Variants in DPY19L3 observed in about 807,000 individuals in gnomAD.
DPY19L3 encodes protein C-mannosyl-transferase DPY19L3.
A neutral mutation model predicts 92.3 loss-of-function variants in DPY19L3; 51 were observed. The ratio of observed to expected loss-of-function variants is 0.55; its 90% CI spans 0.44 to 0.70. The LOEUF is 0.70. DPY19L3 is among the 30% of genes least tolerant of loss of function. DPY19L3 has a pLI of 0.00. For synonymous variants in DPY19L3, 309 were observed against 315.2 expected, an observed-to-expected ratio of 0.98 and a Z score of 0.21; for missense variants, 706 against 855.9, an observed-to-expected ratio of 0.82 and a Z score of 2.18.
intron 8 of DPY19L3, among the ~76,000 whole-genome samples, chr19:32,446,944 C>T (rs879888979): frequency 5.3e-5 from 8 of 152,148 alleles, no homozygotes; most frequent in Non-Finnish European, 8.8e-5. Context: ...TACTTACCAA[C>T]AGACTATCTC....
At chr19:32,461,872 A>C (rs960706113) in intron 12 of DPY19L3, among the ~76,000 whole-genome samples, 5 of 152,156 alleles carry the variant, frequency 3.3e-5, no homozygotes, top group African/African-American at 1.2e-4. Context: ...AACATCACTG[A>C]AGTGGAGACA....
chr19:32,411,471 G>C, intron 3 of DPY19L3, 99 bp downstream of exon 3: 1 of 1,308,146 alleles, frequency 7.6e-7, no homozygotes, highest in Non-Finnish European at 1.1e-6. Context: ...TTGCCATAAA[G>C]AATCCAATCT....
At chr19:32,471,396 C>T (rs984452168) in intron 16 of DPY19L3, among the ~76,000 whole-genome samples, 1 of 152,222 alleles carries the variant, frequency 6.6e-6, no homozygotes, top group Non-Finnish European at 1.5e-5. Context: ...ATCACGGCAT[C>T]TATCGGACAG....
intron 1 of DPY19L3, among the ~76,000 whole-genome samples, chr19:32,406,967 T>G (rs948346879): frequency 6.6e-6 from 1 of 151,368 alleles, no homozygotes; most frequent in Non-Finnish European, 1.5e-5. Flanking sequence ...CCATTTCCAG[T>G]GCTTGAAAGC....
intron 16 of DPY19L3, among the ~76,000 whole-genome samples, chr19:32,473,884 A>C (rs956956229): frequency 6.6e-6 from 1 of 152,144 alleles, no homozygotes; most frequent in Non-Finnish European, 1.5e-5. Flanking sequence ...GCTCACTGCA[A>C]CCTTCACCTC....
chr19:32,430,127 G>A (rs1968910714), intron 3 of DPY19L3, among the ~76,000 whole-genome samples: 1 of 152,134 alleles, frequency 6.6e-6, no homozygotes, highest in South Asian at 2.1e-4. Flanking sequence ...TGTGGCTTCT[G>A]TCTGTAATCC....
chr19:32,411,294 T>C lies in DPY19L3; in HGVS notation c.159T>C (p.Ile53=). 1 of 1,613,724 alleles carries C rather than the reference T, an allele frequency of 6.2e-7. No homozygotes were observed. Among genetic ancestry groups the C allele is most frequent in the Non-Finnish European group, 8.5e-7 (1 of 1,180,002 alleles). The change falls in exon 3 of 19, where the codon ATT becomes ATC. Residue 53 remains isoleucine (I), a synonymous_variant. Coordinates refer to ENST00000392250, the MANE Select transcript of DPY19L3 (RefSeq NM_001172774.2). The part of the protein sequence containing the change: ...KILSLTIGGT[I]ALCIGLLTSV... ...TGTCATTGACAATTGGTGGAACCATTGCCCTTTGCATTGGACTTCTTACAT... is the reference window on the plus strand; with the variant it reads ...TGTCATTGACAATTGGTGGAACCATCGCCCTTTGCATTGGACTTCTTACAT...
intron 4 of DPY19L3, 90 bp downstream of exon 4, chr19:32,432,896 G>C (rs1035395712): frequency 2.3e-5 from 23 of 1,014,092 alleles, no homozygotes; most frequent in Non-Finnish European, 3.2e-5. Context: ...CCACTTAAAT[G>C]CTCTCTAGAA....
intron 8 of DPY19L3, among the ~76,000 whole-genome samples, chr19:32,443,234 T>C (rs1969378932): frequency 6.6e-6 from 1 of 152,186 alleles, no homozygotes; most frequent in African/African-American, 2.4e-5. Context: ...AAGTACACCT[T>C]CTGCTGACCC....
intron 6 of DPY19L3, among the ~76,000 whole-genome samples, chr19:32,438,502 CTCTA>C (rs1339943862): frequency 1.3e-5 from 2 of 151,738 alleles, no homozygotes; most frequent in Non-Finnish European, 2.9e-5. Context: ...TCATATATAT[CTCTA>C]TCTTTTATAG....
chr19:32,447,821 TAGATAGATAGATAGA>T (rs1568344111), intron 8 of DPY19L3, among the ~76,000 whole-genome samples: 7,339 of 101,630 alleles, frequency 0.072, 609 homozygotes, highest in African/African-American at 0.2. Context: ...ATAGATTAGA[TAGATAGATAGATAGA>T]TAGATAGATA....
chr19:32,429,684 T>C (rs962484096), intron 3 of DPY19L3, among the ~76,000 whole-genome samples: 1 of 152,206 alleles, frequency 6.6e-6, no homozygotes, highest in African/African-American at 2.4e-5. Context: ...GCTCTCCAGT[T>C]TGATTTGGGA....
intron 12 of DPY19L3, among the ~76,000 whole-genome samples, chr19:32,462,178 A>C (rs912917249): frequency 6.6e-6 from 1 of 152,168 alleles, no homozygotes; most frequent in Admixed American, 6.5e-5. Flanking sequence ...GTTTGAACAC[A>C]AACAATACAG....
At chr19:32,468,432 T>TA in intron 15 of DPY19L3, 1 of 1,054,854 alleles carries the variant, frequency 9.5e-7, no homozygotes, top group Non-Finnish European at 1.1e-6. Flanking sequence ...TTTTGCCAGG[T>TA]ATTATCATCA....
intron 16 of DPY19L3, among the ~76,000 whole-genome samples, chr19:32,472,971 C>T (rs1004351584): frequency 6.6e-6 from 1 of 152,148 alleles, no homozygotes; most frequent in Non-Finnish European, 1.5e-5. Flanking sequence ...CTATAAGCCT[C>T]TTTTCTATTT....
intron 18 of DPY19L3, 105 bp downstream of exon 18, chr19:32,480,662 A>G: frequency 7.4e-7 from 1 of 1,359,404 alleles, no homozygotes; most frequent in Non-Finnish European, 9.8e-7. Context: ...TAGTTGAATT[A>G]CGCTACGAAT....
In DPY19L3 at chr19:32,484,464, T is replaced by G. The variant is rs1970749644; in HGVS notation, c.*2224T>G. The G allele has an allele frequency of 6.6e-6, 1 of 152,212 alleles. No individual in the cohort carries two copies. Among genetic ancestry groups the G allele is most frequent in the East Asian group, 1.9e-4 (1 of 5,196 alleles). 9.4% of individuals were successfully genotyped at this position (152,212 alleles called of 1,614,324 possible). A position where few individuals can be genotyped will look rare whatever the true frequency, so the allele number is the denominator to read the frequency against. On this transcript the variant is annotated 3_prime_UTR_variant, in exon 19 of 19. Transcript: ENST00000392250. ...ACCCGCGGCAGCAGCTCCCCGCCACTCAGACCTGGGTGGTGATAACCTCAA... is the reference window on the plus strand; with the variant it reads ...ACCCGCGGCAGCAGCTCCCCGCCACGCAGACCTGGGTGGTGATAACCTCAA...
chr19:32,407,570 C>T (rs1287330709), intron 1 of DPY19L3, among the ~76,000 whole-genome samples: 2 of 152,178 alleles, frequency 1.3e-5, no homozygotes, highest in East Asian at 3.9e-4. Context: ...TGACGCATTG[C>T]GTGGTAACTG....
chr19:32,416,317 C>A (rs1968376067), intron 3 of DPY19L3, among the ~76,000 whole-genome samples: 1 of 152,208 alleles, frequency 6.6e-6, no homozygotes, highest in South Asian at 2.1e-4. Context: ...GATGGACATG[C>A]CATTTTCTGT....
Sources: allele counts gnomAD v4.1 joint callset (sites outside exome capture counted in the v4.1 genomes callset), GRCh38; gene constraint gnomAD v4.1.1; transcripts MANE v1.5; gene names NCBI Gene and HGNC (gene_info 2026-07-23, HGNC 2026-07-21).